The following ICA1L variants were observed in gnomAD, a reference collection of about 807,000 sequenced individuals.
The protein encoded by ICA1L is islet cell autoantigen 1-like protein.
Under a neutral mutation model 61.3 loss-of-function variants are expected in ICA1L, and 50 were observed. The ratio of observed to expected loss-of-function variants is 0.82; its 90% CI spans 0.65 to 1.03. The LOEUF is 1.03. Among genes scored for constraint, ICA1L ranks in the 50% least tolerant of loss-of-function variants. ICA1L has a pLI of 0.00. For missense variants in ICA1L, 508 were observed against 556.7 expected (o/e 0.91, Z 0.88); for synonymous variants, 161 against 191.3 (o/e 0.84, Z 1.31).
At chr2:202,794,125 A>G (rs1692843339) in intron 10 of ICA1L, among the ~76,000 whole-genome samples, 1 of 152,082 alleles carries the variant, frequency 6.6e-6, no homozygotes, top group East Asian at 1.9e-4. Flanking sequence ...TCATATTAAT[A>G]TATTTAAGAA....
rs1328303195 is a variant in ICA1L at position 202,773,779 on chromosome 2, C to T, written c.*5754G>A. 7.2e-6 allele frequency: 10 copies of T among 1,381,692 alleles called. No individual in the cohort carries two copies. The East Asian group carries it at 2.3e-4, about 32-fold the overall frequency. The allele number at this position is 1,381,692 out of a possible 1,614,324, so 85.6% of individuals were successfully genotyped here. A position where few individuals can be genotyped will look rare whatever the true frequency, so the allele number is the denominator to read the frequency against. On this transcript the variant is annotated 3_prime_UTR_variant, in exon 13 of 13. Transcript: ENST00000358299. ...GTCCAAAGGTGGAAGAATACATACA[C>T]CGGTATGGTAATAGGCAAGAGCAGG...
At chr2:202,853,937 C>CA (rs1387926537) in intron 1 of ICA1L, among the ~76,000 whole-genome samples, 1 of 152,150 alleles carries the variant, frequency 6.6e-6, no homozygotes, top group Non-Finnish European at 1.5e-5. Context: ...ACTGCAGAAA[C>CA]ACATCAAAAT....
intron 1 of ICA1L, among the ~76,000 whole-genome samples, chr2:202,863,063 A>G (rs1694965086): frequency 6.6e-6 from 1 of 151,182 alleles, no homozygotes; most frequent in Admixed American, 6.6e-5. Context: ...AGGCCGAGGC[A>G]GGCAGATCAC....
Position 202,811,051 on chromosome 2 carries a change from G to C in ICA1L, c.910+695C>G, listed in dbSNP as rs182747408. On this transcript the variant is annotated intron_variant, in intron 9 of 12. Transcript: ENST00000358299. ...GTCTCACCCTGCCTCCATTTACCTT[G>C]TGATATCTTATTACCTTGTGAAGTA... Among the ~76,000 whole-genome samples the C allele has an allele frequency of 6.6e-5, 10 of 152,218 alleles. 1 individual carries two copies. In the East Asian group the frequency reaches 1.9e-3, roughly 29 times the overall value.
At chr2:202,819,647 G>T in intron 5 of ICA1L, 54 bp downstream of exon 5, 2 of 1,241,206 alleles carry the variant, frequency 1.6e-6, no homozygotes, top group Non-Finnish European at 2.4e-6. Context: ...TAATTATTCT[G>T]TGGCAGTTTC....
At chr2:202,807,933 C>T (rs1693268677) in intron 9 of ICA1L, among the ~76,000 whole-genome samples, 1 of 152,132 alleles carries the variant, frequency 6.6e-6, no homozygotes, top group Non-Finnish European at 1.5e-5. Context: ...CATCTGATGA[C>T]TAAGAGACCC....
At chr2:202,804,820 C>G (rs1238721692) in intron 9 of ICA1L, among the ~76,000 whole-genome samples, 1 of 152,196 alleles carries the variant, frequency 6.6e-6, no homozygotes, top group African/African-American at 2.4e-5. Context: ...AACACATTCT[C>G]TGACCGTGAT....
chr2:202,785,780 T>G, intron 12 of ICA1L, 138 bp downstream of exon 12: 1 of 533,652 alleles, frequency 1.9e-6, no homozygotes, highest in Non-Finnish European at 3.3e-6. Context: ...CAGTATAGCT[T>G]TCATTTTAAT....
chr2:202,790,301 G>A (rs987708621), intron 10 of ICA1L, among the ~76,000 whole-genome samples: 14 of 152,022 alleles, frequency 9.2e-5, no homozygotes, highest in Non-Finnish European at 2.9e-5. Flanking sequence ...CAGCATAATT[G>A]GTGAAAGTTA....
intron 1 of ICA1L, among the ~76,000 whole-genome samples, chr2:202,842,075 G>A (rs912219048): frequency 4.0e-5 from 6 of 151,778 alleles, no homozygotes; most frequent in South Asian, 2.1e-4. Flanking sequence ...GGCTGGTCTC[G>A]AACTCCTGAC....
chr2:202,791,451 T>C (rs1330511969), intron 10 of ICA1L, among the ~76,000 whole-genome samples: 5 of 152,214 alleles, frequency 3.3e-5, no homozygotes, highest in Non-Finnish European at 4.4e-5. Flanking sequence ...TAGAGTTGAA[T>C]AGATTTGTCA....
At chr2:202,836,442 T>C (rs1261923528) in intron 1 of ICA1L, among the ~76,000 whole-genome samples, 3 of 152,212 alleles carry the variant, frequency 2.0e-5, no homozygotes, top group Non-Finnish European at 2.9e-5. Flanking sequence ...TCTGCATCTA[T>C]GTTTATCAAA....
At chr2:202,843,370 G>A (rs1252425376) in intron 1 of ICA1L, among the ~76,000 whole-genome samples, 1 of 152,180 alleles carries the variant, frequency 6.6e-6, no homozygotes, top group African/African-American at 2.4e-5. Flanking sequence ...GCTGAGATTG[G>A]TATGGATAAA....
intron 10 of ICA1L, among the ~76,000 whole-genome samples, chr2:202,789,293 T>G (rs1692678056): frequency 6.6e-6 from 1 of 152,196 alleles, no homozygotes; most frequent in African/African-American, 2.4e-5. Context: ...ACAATGAAGA[T>G]ATAACCATTA....
chr2:202,819,055 T>C (rs1427304851), intron 5 of ICA1L, among the ~76,000 whole-genome samples: 1 of 152,202 alleles, frequency 6.6e-6, no homozygotes, highest in East Asian at 1.9e-4. Flanking sequence ...ACCTACTTCA[T>C]AGGGCTGTTG....
intron 1 of ICA1L, chr2:202,870,591 C>A (rs1405794946): frequency 3.3e-5 from 5 of 152,134 alleles, no homozygotes; most frequent in African/African-American, 1.2e-4. Flanking sequence ...GGATGAGGCA[C>A]CTGTGGCTAT....
rs1409242160 is a variant in ICA1L at position 202,773,587 on chromosome 2, G to A, written c.*5946C>T. 11 of 487,880 alleles carry A rather than the reference G, an allele frequency of 2.3e-5. No individual in the cohort carries two copies. Among genetic ancestry groups the A allele is most frequent in the Non-Finnish European group, 4.0e-5 (11 of 273,954 alleles). 30.2% of individuals were successfully genotyped at this position (487,880 alleles called of 1,614,324 possible). A position where few individuals can be genotyped will look rare whatever the true frequency, so the allele number is the denominator to read the frequency against. On this transcript the variant is annotated 3_prime_UTR_variant, in exon 13 of 13. Coordinates refer to ENST00000358299, the MANE Select transcript of ICA1L (RefSeq NM_001288622.3). ...AAAAGAAGCGTCTGCAACTTAAGCC[G>A]TCCACAGTCCTAAGCCTGATATGCT... is the stretch of plus-strand genomic sequence containing the variant.
chr2:202,781,664 C>A (rs148764985), intron 12 of ICA1L, among the ~76,000 whole-genome samples: 2 of 152,196 alleles, frequency 1.3e-5, no homozygotes, highest in East Asian at 3.9e-4. Flanking sequence ...CACCCCCAAC[C>A]CCAGGGAATG....
At chr2:202,804,107 G>A (rs1023170784) in intron 9 of ICA1L, among the ~76,000 whole-genome samples, 3 of 152,142 alleles carry the variant, frequency 2.0e-5, no homozygotes, top group African/African-American at 7.2e-5. Flanking sequence ...AGTACATTCT[G>A]TATCCTTGCA....
Sources: gnomAD v4.1 joint callset for allele counts (sites outside exome capture counted in the v4.1 genomes callset) on GRCh38, gnomAD v4.1.1 for gene constraint, MANE v1.5 for transcripts, NCBI Gene and HGNC (gene_info 2026-07-23, HGNC 2026-07-21) for gene names.